The following SETBP1 variants were observed in gnomAD, a reference collection of about 807,000 sequenced individuals.
The protein encoded by SETBP1 is SET-binding protein.
SETBP1 carries 9 observed loss-of-function variants against 101.0 expected under a neutral mutation model. The ratio of observed to expected loss-of-function variants is 0.09; its 90% confidence interval spans 0.05 to 0.16. The LOEUF is 0.16. Among genes scored for constraint, SETBP1 ranks in the 10% least tolerant of loss-of-function variants. The pLI is 1.00. For synonymous variants in SETBP1, 818 were observed against 788.5 expected (o/e 1.04, Z -0.63); for missense variants, 1,858 against 2,033.8 (o/e 0.91, Z 1.66).
In SETBP1 at chr18:44,829,527, C is replaced by T. The variant is rs541630222; in HGVS notation, c.487-39703C>T. Among the ~76,000 whole-genome samples, 4 of 152,242 alleles carry T rather than the reference C, an allele frequency of 2.6e-5. No individual in the cohort carries two copies. In the South Asian group the frequency reaches 6.2e-4, roughly 24 times the overall value. ...AGTCTAGTTATATCCTGGTTTCCAT[C>T]AAGAAGAAGGCCGACCATGATCAGT... On this transcript the variant is annotated intron_variant, in intron 2 of 5. Transcript: ENST00000649279.
Position 44,774,569 on chromosome 18 carries a change from A to G in SETBP1, c.486+72737A>G, listed in dbSNP as rs77440634. ...GTAGGACGTGTAGAGGAGACTGGCA[A>G]GAGTTGTCATGTAGAATGTGACCTG... On this transcript the variant is annotated intron_variant, in intron 2 of 5. Coordinates refer to ENST00000649279, the MANE Select transcript of SETBP1 (RefSeq NM_015559.3). 2.0e-5 allele frequency among the ~76,000 whole-genome samples: 3 copies of G among 152,266 alleles called. No individual in the cohort carries two copies. The East Asian group carries it at 5.8e-4, about 29-fold the overall frequency.
intron 2 of SETBP1, among the ~76,000 whole-genome samples, chr18:44,846,441 A>G (rs2072726182): frequency 1.3e-5 from 2 of 152,212 alleles, no homozygotes; most frequent in South Asian, 2.1e-4. Flanking sequence ...ACCCTAGAAT[A>G]CCACTAATCT....
intron 2 of SETBP1, among the ~76,000 whole-genome samples, chr18:44,772,870 T>A (rs1359111477): frequency 6.6e-6 from 1 of 152,224 alleles, no homozygotes; most frequent in Non-Finnish European, 1.5e-5. Context: ...GATCTTAACA[T>A]GATTCCTCCT....
chr18:44,984,641 A>G (rs2072189972), intron 4 of SETBP1, among the ~76,000 whole-genome samples: 1 of 152,140 alleles, frequency 6.6e-6, no homozygotes, highest in Non-Finnish European at 1.5e-5. Flanking sequence ...TTATTATTAT[A>G]TGTCATCAGG....
At chr18:44,716,236 A>G (rs1457136702) in intron 2 of SETBP1, among the ~76,000 whole-genome samples, 4 of 152,192 alleles carry the variant, frequency 2.6e-5, no homozygotes, top group African/African-American at 9.7e-5. Context: ...ATTCTGCAGG[A>G]GAGTCAGTGG....
chr18:44,934,887 CA>C (rs1186120780), intron 3 of SETBP1, among the ~76,000 whole-genome samples: 7 of 152,190 alleles, frequency 4.6e-5, no homozygotes, highest in African/African-American at 1.7e-4. Flanking sequence ...CCACAAGTGA[CA>C]CATGCCACAC....
At chr18:44,827,495 T>A (rs567333307) in intron 2 of SETBP1, among the ~76,000 whole-genome samples, 81 of 152,248 alleles carry the variant, frequency 5.3e-4, no homozygotes, top group Non-Finnish European at 1.2e-4. Flanking sequence ...GATAGCTCAT[T>A]CACTCATTTC....
intron 3 of SETBP1, among the ~76,000 whole-genome samples, chr18:44,875,291 C>A (rs138985367): frequency 6.6e-6 from 1 of 151,930 alleles, no homozygotes; most frequent in African/African-American, 2.4e-5. Context: ...GAGGCCAAGG[C>A]GGGTGGATCA....
chr18:44,960,191 C>G (rs2071581737), intron 4 of SETBP1, among the ~76,000 whole-genome samples: 2 of 152,092 alleles, frequency 1.3e-5, no homozygotes, highest in Non-Finnish European at 2.9e-5. Context: ...GCCACCGTGA[C>G]CAGCCCATAG....
At chr18:45,028,326 C>A (rs1158913569) in intron 4 of SETBP1, among the ~76,000 whole-genome samples, 2 of 151,976 alleles carry the variant, frequency 1.3e-5, no homozygotes, top group African/African-American at 2.4e-5. Flanking sequence ...CATGGCCCTA[C>A]AAAGGACATG....
At chr18:45,062,022 TTG>T (rs148174411) in intron 5 of SETBP1, among the ~76,000 whole-genome samples, 1 of 151,080 alleles carries the variant, frequency 6.6e-6, no homozygotes, top group Non-Finnish European at 1.5e-5. Context: ...ATGTGCCCAT[TTG>T]TGTGTGTGTG....
intron 2 of SETBP1, among the ~76,000 whole-genome samples, chr18:44,729,797 G>GA (rs1257727160): frequency 2.0e-5 from 3 of 151,616 alleles, no homozygotes; most frequent in Admixed American, 6.6e-5. Flanking sequence ...AGCAGAGGCA[G>GA]AAAAAAAAAG....
intron 5 of SETBP1, among the ~76,000 whole-genome samples, chr18:45,040,755 C>T (rs1301171640): frequency 1.3e-5 from 2 of 152,226 alleles, no homozygotes; most frequent in Non-Finnish European, 2.9e-5. Context: ...TACTTTCATA[C>T]TTGCCTCCCT....
At chr18:44,931,094 C>G (rs1258845279) in intron 3 of SETBP1, among the ~76,000 whole-genome samples, 1 of 152,202 alleles carries the variant, frequency 6.6e-6, no homozygotes, top group Non-Finnish European at 1.5e-5. Context: ...AAATTTCTCT[C>G]TGCACACTGC....
At position 44,952,178 on chromosome 18, in the gene SETBP1, A is replaced by G; in HGVS notation, c.2838A>G (p.Gln946=). ...PKHKRKRKSL[Q]NRDDLQFLAD... The stretch of plus-strand genomic sequence containing the variant: ...ACAAGAGGAAACGGAAAAGCCTGCA[A>G]AACCGCGATGACCTCCAGTTTCTGG... Residue 946 remains glutamine, a synonymous_variant, in exon 4 of 6, where the codon CAA becomes CAG. Transcript: ENST00000649279. 2 of 1,614,188 alleles carry G rather than the reference A, an allele frequency of 1.2e-6. No homozygotes were observed. The highest frequency in any genetic ancestry group is 1.1e-5 in the South Asian group (1 of 91,072).
intron 2 of SETBP1, among the ~76,000 whole-genome samples, chr18:44,767,224 G>A (rs115854487): frequency 1.9e-3 from 297 of 152,318 alleles, no homozygotes; most frequent in African/African-American, 6.6e-3. Context: ...CATCTGCATG[G>A]CCATTGTCCT....
chr18:45,046,554 A>C (rs763604321), intron 5 of SETBP1, among the ~76,000 whole-genome samples: 1 of 152,270 alleles, frequency 6.6e-6, no homozygotes, highest in Non-Finnish European at 1.5e-5. Context: ...GTATTTATTC[A>C]GAGAAGAAGG....
chr18:44,761,624 G>T (rs2070649254), intron 2 of SETBP1, among the ~76,000 whole-genome samples: 1 of 152,120 alleles, frequency 6.6e-6, no homozygotes, highest in Non-Finnish European at 1.5e-5. Flanking sequence ...CTTGAGTAAG[G>T]GCAGCCATAG....
intron 3 of SETBP1, chr18:44,876,550 C>A (rs1599262191): frequency 6.5e-7 from 1 of 1,538,776 alleles, no homozygotes; most frequent in Non-Finnish European, 8.8e-7. Context: ...CTAAGTCAGC[C>A]TCCTCATTTT....
Sources: allele counts gnomAD v4.1 joint callset (sites outside exome capture counted in the v4.1 genomes callset), GRCh38; gene constraint gnomAD v4.1.1; transcripts MANE v1.5; gene names NCBI Gene and HGNC (gene_info 2026-07-23, HGNC 2026-07-21).